The following SYNE1 variants were observed in gnomAD, a reference collection of about 807,000 sequenced individuals.
The protein encoded by SYNE1 is spectrin repeat containing nuclear envelope protein 1.
A neutral mutation model predicts 1,111.0 loss-of-function variants in SYNE1; 616 were observed. The ratio of observed to expected loss-of-function variants is 0.55; its 90% CI spans 0.52 to 0.59. The LOEUF is 0.59. Among genes scored for constraint, SYNE1 ranks in the 20% least tolerant of loss-of-function variants. The pLI is 0.00. For missense variants in SYNE1, 10,006 were observed against 10,417.0 expected, an observed-to-expected ratio of 0.96 and a Z score of 1.72; for synonymous variants, 3,855 against 3,825.8, an observed-to-expected ratio of 1.01 and a Z score of -0.28.
At chr6:152,395,144 T>C (rs1288837283) in intron 51 of SYNE1, among the ~76,000 whole-genome samples, 1 of 152,050 alleles carries the variant, frequency 6.6e-6, no homozygotes, top group Non-Finnish European at 1.5e-5. Flanking sequence ...TTTCTTTCCT[T>C]CATATCAGCT....
intron 77 of SYNE1, among the ~76,000 whole-genome samples, chr6:152,333,037 C>CA (rs979235426): frequency 8.5e-5 from 13 of 152,080 alleles, no homozygotes; most frequent in African/African-American, 2.9e-4. Context: ...AATGGTATAC[C>CA]AAAAAAACCC....
At chr6:152,485,402 A>C (rs2154297068) in intron 12 of SYNE1, among the ~76,000 whole-genome samples, 1 of 152,352 alleles carries the variant, frequency 6.6e-6, no homozygotes, top group South Asian at 2.1e-4. Context: ...TCAAGTACCA[A>C]ACAATTTACA....
At position 152,212,244 on chromosome 6, in the gene SYNE1, A is replaced by G. The variant is rs117669053; in HGVS notation, c.22495-656T>C. ...CAATTTTAGAATTTTCATTGCCCCA[A>G]AAAGAAAGTCCATCCTCATTAGCAA... On this transcript the variant is annotated intron_variant, in intron 123 of 145. Coordinates refer to ENST00000367255, the MANE Select transcript of SYNE1 (RefSeq NM_182961.4). Among the ~76,000 whole-genome samples, 233 of 152,222 alleles carry G rather than the reference A, an allele frequency of 1.5e-3. 7 individuals carry two copies. In the East Asian group the frequency reaches 0.04, roughly 26 times the overall value.
rs965073726 is a variant in SYNE1 at position 152,511,239 on chromosome 6, G to A, written c.310-136C>T. The A allele has an allele frequency of 6.5e-6, 5 of 771,432 alleles. No individual in the cohort carries two copies. In the African/African-American group the frequency reaches 8.8e-5, roughly 14 times the overall value. 47.8% of individuals were successfully genotyped at this position (771,432 alleles called of 1,614,324 possible). ...GTAATAGTACATGGGAGTAAGTAGA[G>A]TGAGGCACCGAAACAAACAAGCACA... On this transcript the variant is annotated intron_variant, in intron 6 of 145. Coordinates refer to ENST00000367255, the MANE Select transcript of SYNE1 (RefSeq NM_182961.4).
At chr6:152,178,243 A>T (rs1465861322) in intron 129 of SYNE1, among the ~76,000 whole-genome samples, 2 of 136,264 alleles carry the variant, frequency 1.5e-5, no homozygotes, top group Non-Finnish European at 3.2e-5. Context: ...TAAATTTAGT[A>T]AAAAAAAAGC....
rs2154142807 is a variant in SYNE1 at position 152,396,837 on chromosome 6, T to C, written c.7494A>G (p.Ala2498=). The C allele has an allele frequency of 1.2e-6, 2 of 1,614,214 alleles. No individual in the cohort carries two copies. The highest frequency in any genetic ancestry group is 3.3e-4 in the Middle Eastern group (2 of 6,062). Residue 2498 remains alanine (A), a synonymous_variant, in exon 50 of 146, where the codon GCA becomes GCG. Transcript: ENST00000367255. ...TATCTTTAAGGCATTGTTTCAGAAA[T>C]GCTTGAAACTCTTCATTGGCCTTTG... The part of the protein sequence containing the change: ...QITKANEEFQ[A]FLKQCLKDKQ...
At chr6:152,165,144 T>C (rs6901280) in intron 130 of SYNE1, among the ~76,000 whole-genome samples, 24,380 of 150,498 alleles carry the variant, frequency 0.16, 2,268 homozygotes, top group East Asian at 0.45. Flanking sequence ...TGTCACACAG[T>C]CAGTGGAGGG....
At chr6:152,297,806 TGTGTGTGTGTGTGTGTGCGC>T (rs1430604402) in intron 93 of SYNE1, among the ~76,000 whole-genome samples, 1 of 101,192 alleles carries the variant, frequency 9.9e-6, no homozygotes, top group African/African-American at 4.0e-5. Flanking sequence ...TGTGTGTGTG[TGTGTGTGTGTGTGTGTGCGC>T]GCGCACGTGG....
rs140621869 is a variant in SYNE1, at chr6:152,635,534, G to A, written c.-224+1104C>T. Among the ~76,000 whole-genome samples, 8 of 152,160 alleles carry A rather than the reference G, an allele frequency of 5.3e-5. No homozygotes were observed. In the East Asian group the frequency reaches 1.5e-3, roughly 29 times the overall value. On this transcript the variant is annotated intron_variant, in intron 2 of 145. Coordinates refer to ENST00000367255, the MANE Select transcript of SYNE1 (RefSeq NM_182961.4). The stretch of plus-strand genomic sequence containing the variant: ...ATAAAAAGCCTCTCAAAGAACAATC[G>A]TCATGACTCGTGATTAAATTCGCAT...
intron 75 of SYNE1, among the ~76,000 whole-genome samples, chr6:152,337,983 A>G (rs1276158520): frequency 1.3e-5 from 2 of 152,010 alleles, no homozygotes; most frequent in Non-Finnish European, 2.9e-5. Context: ...CCCTTTCTCT[A>G]CTAAAATACC....
chr6:152,321,514 A>G lies in SYNE1; in HGVS notation c.16084-124T>C, dbSNP rs568474326. ...AATTAGAAAAATATCTTAATACAAC[A>G]TTGTTCTTTTGTCTCTGAATATAAA... On this transcript the variant is annotated intron_variant, in intron 83 of 145. Coordinates refer to ENST00000367255, the MANE Select transcript of SYNE1 (RefSeq NM_182961.4). 33 of 1,331,776 alleles carry G rather than the reference A, an allele frequency of 2.5e-5. No individual in the cohort carries two copies. In the African/African-American group the frequency reaches 4.6e-4, roughly 19 times the overall value. 82.5% of individuals were successfully genotyped at this position (1,331,776 alleles called of 1,614,324 possible).
intron 121 of SYNE1, among the ~76,000 whole-genome samples, chr6:152,217,114 TAA>T (rs35131405): frequency 7.0e-4 from 70 of 100,398 alleles, no homozygotes; most frequent in African/African-American, 9.4e-4. Flanking sequence ...TTTTTTTTTT[TAA>T]AAAAGTATTA....
At chr6:152,262,008 T>C (rs1412426546) in intron 101 of SYNE1, 24 bp downstream of exon 101, 1 of 1,576,658 alleles carries the variant, frequency 6.3e-7, no homozygotes, top group Non-Finnish European at 8.7e-7. Context: ...TATTAGTTAA[T>C]ATATAATGTA....
At position 152,484,895 on chromosome 6, in the gene SYNE1, G is replaced by C; in HGVS notation, c.1125C>G (p.Asp375Glu). The change falls in exon 13 of 146, where the codon GAC becomes GAG. Residue 375 changes from aspartate to glutamate, a missense_variant. Around this residue, in one of 7 missense-constraint regions of SYNE1, gnomAD observed 1,971 missense variants for 2,084.1 expected, o/e 0.95. Coordinates refer to ENST00000367255, the MANE Select transcript of SYNE1 (RefSeq NM_182961.4). ...IEHLIQPLHR[D>E]GKLSLDQALV... Reference sequence around the variant, plus strand: ...ATGCTTGGTCAAGTGACAATTTACCGTCTCTGTGTAATGGTTGTATTAAAT... The same window carrying C: ...ATGCTTGGTCAAGTGACAATTTACCCTCTCTGTGTAATGGTTGTATTAAAT... 6.2e-7 allele frequency: 1 copy of C among 1,613,708 alleles called. No individual in the cohort carries two copies. Among genetic ancestry groups the C allele is most frequent in the Non-Finnish European group, 8.5e-7 (1 of 1,179,880 alleles).
intron 5 of SYNE1, among the ~76,000 whole-genome samples, chr6:152,521,440 G>T (rs1309654549): frequency 6.6e-6 from 1 of 152,144 alleles, no homozygotes; most frequent in African/African-American, 2.4e-5. Context: ...CTCCTAAAAT[G>T]GTTGTACTAC....
intron 56 of SYNE1, among the ~76,000 whole-genome samples, chr6:152,377,624 AAAAAAAAAAAAAAAAAATAT>A (rs1563517215): frequency 9.4e-6 from 1 of 106,138 alleles, no homozygotes; most frequent in African/African-American, 4.3e-5. Flanking sequence ...AAAAAAAAAA[AAAAAAAAAAAAAAAAAATAT>A]ATATATATAT....
At chr6:152,463,913 T>C (rs1219489434) in intron 18 of SYNE1, among the ~76,000 whole-genome samples, 1 of 152,186 alleles carries the variant, frequency 6.6e-6, no homozygotes, top group Non-Finnish European at 1.5e-5. Flanking sequence ...TCCTTTTTTA[T>C]TTGTATAAAT....
rs574815806 is a variant in SYNE1, at chr6:152,522,301, T to A, written c.226-1759A>T. Among the ~76,000 whole-genome samples, 23 of 152,238 alleles carry A rather than the reference T, an allele frequency of 1.5e-4. 1 individual carries two copies. In the South Asian group the frequency reaches 4.8e-3, roughly 32 times the overall value. ...CTTAGCTCTCACTTACAAGTGAGAA[T>A]ATATAGTATTTAGTTTTCAATCCTG... On this transcript the variant is annotated intron_variant, in intron 5 of 145. Coordinates refer to ENST00000367255, the MANE Select transcript of SYNE1 (RefSeq NM_182961.4).
chr6:152,414,316 G>A (rs541194019), intron 41 of SYNE1, among the ~76,000 whole-genome samples: 14 of 152,188 alleles, frequency 9.2e-5, no homozygotes, highest in African/African-American at 3.1e-4. Context: ...GGCTGAGGCT[G>A]GAGGATCATG....
Sources: allele counts gnomAD v4.1 joint callset (sites outside exome capture counted in the v4.1 genomes callset), GRCh38; gene constraint gnomAD v4.1.1; regional missense constraint gnomAD v4.1.1; transcripts MANE v1.5; gene names NCBI Gene and HGNC (gene_info 2026-07-23, HGNC 2026-07-21).